PCDHA6: variants seen among roughly 807,000 people sequenced by gnomAD.
PCDHA6 encodes the protein protocadherin alpha-6.
A neutral mutation model predicts 60.3 loss-of-function variants in PCDHA6; 55 were observed. The observed-to-expected ratio is 0.91, with a 90% CI of 0.73 to 1.14. The LOEUF (loss-of-function observed/expected upper bound fraction) is 1.14, where lower values mean the gene tolerates loss of function less well. PCDHA6 is among the 50% of genes most tolerant of loss of function. The pLI is 0.00. For synonymous variants in PCDHA6, 652 were observed against 557.9 expected (o/e 1.17, Z -2.38); for missense variants, 1,327 against 1,256.5 (o/e 1.06, Z -0.85).
intron 1 of PCDHA6, chr5:140,966,499 A>C (rs960365429): frequency 1.4e-5 from 6 of 431,834 alleles, no homozygotes; most frequent in Non-Finnish European, 2.4e-5. Context: ...CTGGAGCTGT[A>C]GCGGCAGCAG....
Position 140,964,245 on chromosome 5 carries a change from T to C in PCDHA6, c.2395-14704T>C, listed in dbSNP as rs549634734. On this transcript the variant is annotated intron_variant, in intron 1 of 3. Transcript: ENST00000529310. ...TCAAAATGAGGCTGATTGTGTTGGC[T>C]TTATATTTGACTCCTTAATAATTAA... is the stretch of plus-strand genomic sequence containing the variant. Among the ~76,000 whole-genome samples, 6 of 152,346 alleles carry C rather than the reference T, an allele frequency of 3.9e-5. No individual in the cohort carries two copies. In the East Asian group the frequency reaches 1.2e-3, roughly 29 times the overall value.
chr5:140,843,757 G>A, intron 1 of PCDHA6: 1 of 1,504,904 alleles, frequency 6.6e-7, no homozygotes, highest in Non-Finnish European at 9.1e-7. Context: ...TCTATTTGTG[G>A]AAATTGTAGT....
intron 1 of PCDHA6, chr5:140,834,421 A>G (rs1772980972): frequency 6.2e-7 from 1 of 1,612,030 alleles, no homozygotes; most frequent in Non-Finnish European, 8.5e-7. Flanking sequence ...GGGGGCCGAC[A>G]TCTACTGCTG....
intron 1 of PCDHA6, among the ~76,000 whole-genome samples, chr5:140,924,131 T>C (rs2081690578): frequency 6.6e-6 from 1 of 152,234 alleles, no homozygotes; most frequent in African/African-American, 2.4e-5. Flanking sequence ...CTTAGCAGCA[T>C]TAATTTAAAA....
At chr5:140,969,485 T>C (rs1485555970) in intron 1 of PCDHA6, 4 of 1,461,452 alleles carry the variant, frequency 2.7e-6, no homozygotes, top group African/African-American at 2.9e-5. Flanking sequence ...CATAATCTGC[T>C]ATTTCCTCTC....
chr5:140,861,413 G>T (rs189790760), intron 1 of PCDHA6: 3 of 474,952 alleles, frequency 6.3e-6, no homozygotes, highest in Non-Finnish European at 1.3e-5. Flanking sequence ...AGCTGATACC[G>T]CGCCTGTTTC....
At chr5:140,957,269 T>TC (rs2095346885) in intron 1 of PCDHA6, among the ~76,000 whole-genome samples, 1 of 152,070 alleles carries the variant, frequency 6.6e-6, no homozygotes, top group African/African-American at 2.4e-5. Context: ...TAAGCACTAG[T>TC]CCCCCCTTAC....
intron 1 of PCDHA6, among the ~76,000 whole-genome samples, chr5:140,959,151 C>CAG (rs782425604): frequency 2.0e-4 from 30 of 152,084 alleles, no homozygotes; most frequent in African/African-American, 7.0e-4. Context: ...CCAAAGTGGG[C>CAG]AGATTGCTTG....
At chr5:140,849,528 G>T in intron 1 of PCDHA6, 4 of 1,597,792 alleles carry the variant, frequency 2.5e-6, no homozygotes, top group Non-Finnish European at 3.4e-6. Flanking sequence ...GGATGTAAAT[G>T]ACAATGCTCC....
intron 1 of PCDHA6, among the ~76,000 whole-genome samples, chr5:140,965,939 C>A (rs1554227944): frequency 6.6e-6 from 1 of 152,188 alleles, no homozygotes; most frequent in Admixed American, 6.5e-5. Flanking sequence ...GGAAAGAGGG[C>A]AGCATTTGCC....
chr5:140,877,867 T>A lies in PCDHA6; in HGVS notation c.2394+47382T>A, dbSNP rs782120587. 4.7e-6 allele frequency: 7 copies of A among 1,490,888 alleles called. No individual in the cohort carries two copies. The Admixed American group carries it at 1.7e-4, about 37-fold the overall frequency. 92.4% of individuals were successfully genotyped at this position (1,490,888 alleles called of 1,614,324 possible). A position where few individuals can be genotyped will look rare whatever the true frequency, so the allele number is the denominator to read the frequency against. On this transcript the variant is annotated intron_variant, in intron 1 of 3. Coordinates refer to ENST00000529310, the MANE Select transcript of PCDHA6 (RefSeq NM_018909.4). ...AAGTTATTAATATTATTTAGATATA[T>A]TTGTTTCCTTGAAGAACTTCCGTTT...
chr5:140,887,236 A>G (rs575217506), intron 1 of PCDHA6, among the ~76,000 whole-genome samples: 53 of 151,920 alleles, frequency 3.5e-4, no homozygotes, highest in South Asian at 2.1e-3. Flanking sequence ...AGCTGAGACT[A>G]CCGGCGCCCG....
intron 1 of PCDHA6, among the ~76,000 whole-genome samples, chr5:140,833,021 AAG>A (rs1157304540): frequency 2.0e-5 from 3 of 152,192 alleles, no homozygotes; most frequent in Admixed American, 6.6e-5. Context: ...TGGTTCCCAT[AAG>A]AGAGAGTGTG....
intron 1 of PCDHA6, chr5:140,877,446 G>T: frequency 6.2e-7 from 1 of 1,613,856 alleles, no homozygotes; most frequent in Non-Finnish European, 8.5e-7. Flanking sequence ...GTGAGCCCGC[G>T]CTGACGTCCA....
intron 1 of PCDHA6, among the ~76,000 whole-genome samples, chr5:140,948,744 C>A (rs868917864): frequency 3.3e-5 from 5 of 151,312 alleles, no homozygotes; most frequent in South Asian, 2.1e-4. Flanking sequence ...GAGAATTTAT[C>A]AATTTTGCTG....
chr5:140,966,644 G>A, intron 1 of PCDHA6: 1 of 1,127,128 alleles, frequency 8.9e-7, no homozygotes, highest in Non-Finnish European at 1.2e-6. Context: ...GCTTTCTAGA[G>A]CGTGAGCGGT....
chr5:140,880,895 TAGAA>T (rs1421038707), intron 1 of PCDHA6, among the ~76,000 whole-genome samples: 2 of 152,090 alleles, frequency 1.3e-5, no homozygotes, highest in African/African-American at 4.8e-5. Context: ...TAGGGCCAGA[TAGAA>T]AGAATTAGAA....
At chr5:140,999,638 CTG>C (rs2097866913) in intron 3 of PCDHA6, among the ~76,000 whole-genome samples, 1 of 152,170 alleles carries the variant, frequency 6.6e-6, no homozygotes, top group Non-Finnish European at 1.5e-5. Flanking sequence ...GTAGAGAAAA[CTG>C]TGCAGCCTGA....
At chr5:140,991,481 A>G (rs1272675537) in intron 3 of PCDHA6, among the ~76,000 whole-genome samples, 3 of 152,226 alleles carry the variant, frequency 2.0e-5, no homozygotes, top group Non-Finnish European at 2.9e-5. Flanking sequence ...TCTGGAAGTC[A>G]GAAGTCCACA....
Sources: gnomAD v4.1 joint callset for allele counts (sites outside exome capture counted in the v4.1 genomes callset) on GRCh38, gnomAD v4.1.1 for gene constraint, MANE v1.5 for transcripts, NCBI Gene and HGNC (gene_info 2026-07-23, HGNC 2026-07-21) for gene names.